The following FERMT3 variants were observed in gnomAD, a reference collection of about 807,000 sequenced individuals.
FERMT3 encodes the protein fermitin family homolog 3.
FERMT3 carries 33 observed loss-of-function variants against 80.8 expected under a neutral mutation model. The ratio of observed to expected loss-of-function variants is 0.41; its 90% CI spans 0.31 to 0.55. The LOEUF is 0.55. Among genes scored for constraint, FERMT3 ranks in the 20% least tolerant of loss-of-function variants. The probability of loss-of-function intolerance (pLI) is 0.31; values close to 1 mark genes in which losing one functional copy is unlikely to be tolerated. For synonymous variants in FERMT3, 375 were observed against 372.2 expected (o/e 1.01, Z -0.09); for missense variants, 754 against 908.7 (o/e 0.83, Z 2.19).
chr11:64,211,884 A>C lies in FERMT3; in HGVS notation c.786+137A>C. ...CGTTTGTCCATCCACACCTTTGTTT[A>C]CTGACCCCACAAACACCCACTGAAA... On this transcript the variant is annotated intron_variant, in intron 6 of 14. Transcript: ENST00000345728. This position sits in a 1 kb window ranked among gnomAD's most constrained non-coding sequence, Gnocchi z 4.7. 1.2e-6 allele frequency: 1 copy of C among 835,226 alleles called. No individual in the cohort carries two copies. The highest frequency in any genetic ancestry group is 2.0e-6 in the Non-Finnish European group (1 of 507,750). The allele number at this position is 835,226 out of a possible 1,614,324, so 51.7% of individuals were successfully genotyped here.
chr11:64,210,596 C>G lies in FERMT3; in HGVS notation c.161-15C>G, dbSNP rs1309855632. ...GGAGGAAGGTTGGACCCAGATGTGCCCCCGTGCCCCACAGATCGCAAGCAG... is the reference window on the plus strand; with the variant it reads ...GGAGGAAGGTTGGACCCAGATGTGCGCCCGTGCCCCACAGATCGCAAGCAG... On this transcript the variant is annotated splice_polypyrimidine_tract_variant and intron_variant, in intron 2 of 14. Coordinates refer to ENST00000345728, the MANE Select transcript of FERMT3 (RefSeq NM_031471.6). The surrounding 1 kb of genome is among the most constrained non-coding windows in gnomAD (Gnocchi z 4.3). 6.2e-7 allele frequency: 1 copy of G among 1,611,028 alleles called. No individual in the cohort carries two copies. Among genetic ancestry groups the G allele is most frequent in the African/African-American group, 1.3e-5 (1 of 74,820 alleles).
At position 64,211,726 on chromosome 11, in the gene FERMT3, C is replaced by T; in HGVS notation, c.765C>T (p.Ser255=). 4 of 1,614,178 alleles carry T rather than the reference C, an allele frequency of 2.5e-6. No individual in the cohort carries two copies. The highest frequency in any genetic ancestry group is 3.4e-6 in the Non-Finnish European group (4 of 1,180,024). The change falls in exon 6 of 15, where the codon AGC becomes AGT. Residue 255 remains serine (S), a synonymous_variant. Coordinates refer to ENST00000345728, the MANE Select transcript of FERMT3 (RefSeq NM_031471.6). The surrounding 1 kb of genome is among the most constrained non-coding windows in gnomAD (Gnocchi z 4.7). ...TCTGGCTGCGCTTCAAGTACTACAG[C>T]TTCTTCGATTTGGATCCCAAGGTGG... ...DALWLRFKYY[S]FFDLDPKTDP...
Position 64,219,669 on chromosome 11 carries a change from G to C in FERMT3, c.1029+11G>C, listed in dbSNP as rs750237874. The C allele has an allele frequency of 2.5e-6, 4 of 1,613,768 alleles. No individual in the cohort carries two copies. Among genetic ancestry groups the C allele is most frequent in the African/African-American group, 2.7e-5 (2 of 75,022 alleles). ...CCCACAGATGTGCTGGTGAGGAGGGGCTCAGGGCAGGGGCTGGGCAGGGAG... is the reference window on the plus strand; with the variant it reads ...CCCACAGATGTGCTGGTGAGGAGGGCCTCAGGGCAGGGGCTGGGCAGGGAG... On this transcript the variant is annotated intron_variant, in intron 8 of 14. Coordinates refer to ENST00000345728, the MANE Select transcript of FERMT3 (RefSeq NM_031471.6). This position sits in a 1 kb window ranked among gnomAD's most constrained non-coding sequence, Gnocchi z 4.0.
Position 64,210,242 on chromosome 11 carries a change from A to G in FERMT3, c.161-369A>G, listed in dbSNP as rs930866098. 1.3e-5 allele frequency among the ~76,000 whole-genome samples: 2 copies of G among 152,332 alleles called. No homozygotes were observed. The highest frequency in any genetic ancestry group is 4.8e-5 in the African/African-American group (2 of 41,582). On this transcript the variant is annotated intron_variant, in intron 2 of 14. Transcript: ENST00000345728. This position sits in a 1 kb window ranked among gnomAD's most constrained non-coding sequence, Gnocchi z 4.3. ...TAGTCTCTGCCTCCAGGAGCTCCCC[A>G]GAATGCAAGACAGAGGCTGTTAAAC...
At chr11:64,207,859 CA>C in intron 2 of FERMT3, 1 of 222,512 alleles carries the variant, frequency 4.5e-6, no homozygotes, top group Non-Finnish European at 9.0e-6. Flanking sequence ...CTAGGTGACC[CA>C]GGGGCCTGCC....
chr11:64,214,545 C>A (rs540817475), intron 6 of FERMT3, among the ~76,000 whole-genome samples: 1 of 151,976 alleles, frequency 6.6e-6, no homozygotes, highest in African/African-American at 2.4e-5. Context: ...TGGGGTTTCA[C>A]CATGTTGGTC....
intron 6 of FERMT3, among the ~76,000 whole-genome samples, chr11:64,217,590 C>A (rs1446560887): frequency 6.6e-6 from 1 of 152,184 alleles, no homozygotes; most frequent in Non-Finnish European, 1.5e-5. Flanking sequence ...GTGCAACCCC[C>A]ACCCCGTCCA....
chr11:64,215,948 C>T (rs936756204), intron 6 of FERMT3, among the ~76,000 whole-genome samples: 6 of 151,794 alleles, frequency 4.0e-5, no homozygotes, highest in African/African-American at 1.5e-4. Flanking sequence ...TCCCCTGCCT[C>T]AGCCTCCTGA....
rs1402214027 is a variant in FERMT3 at position 64,219,434 on chromosome 11, G to A, written c.894+76G>A. ...CAGGGCAGGAAGGGCCTTCCTGAGT[G>A]GGGGCTACCTCCAGGGAAGCCCGGC... On this transcript the variant is annotated intron_variant, in intron 7 of 14. Transcript: ENST00000345728. The surrounding 1 kb of genome is among the most constrained non-coding windows in gnomAD (Gnocchi z 4.0). 10 of 1,558,786 alleles carry A rather than the reference G, an allele frequency of 6.4e-6. No individual in the cohort carries two copies. Among genetic ancestry groups the A allele is most frequent in the African/African-American group, 2.7e-5 (2 of 73,326 alleles).
Position 64,219,939 on chromosome 11 carries a change from C to T in FERMT3, c.1128C>T (p.Phe376=), listed in dbSNP as rs756718345. 7 of 1,613,858 alleles carry T rather than the reference C, an allele frequency of 4.3e-6. No homozygotes were observed. In the Admixed American group the frequency reaches 8.3e-5, roughly 19 times the overall value. Residue 376 remains phenylalanine, a synonymous_variant, in exon 10 of 15, where the codon TTC becomes TTT. Coordinates refer to ENST00000345728, the MANE Select transcript of FERMT3 (RefSeq NM_031471.6). The surrounding 1 kb of genome is among the most constrained non-coding windows in gnomAD (Gnocchi z 4.0). ...GCTACCGCCAACACTGGGTGGTGTTCAAGGAGACCACACTGTCCTACTACA... is the reference window on the plus strand; with the variant it reads ...GCTACCGCCAACACTGGGTGGTGTTTAAGGAGACCACACTGTCCTACTACA... ...LKGYRQHWVV[F]KETTLSYYKS... is the part of the protein sequence containing the mutation.
rs772852769 is a variant in FERMT3 at position 64,219,737 on chromosome 11, T to C, written c.1030-3T>C. On this transcript the variant is annotated splice_region_variant and splice_polypyrimidine_tract_variant and intron_variant, in intron 8 of 14. Transcript: ENST00000345728. This position sits in a 1 kb window ranked among gnomAD's most constrained non-coding sequence, Gnocchi z 4.0. ...TGCCCCTCTGACTCTGGTCCTCCCA[T>C]AGGACAGCCTCACCACCATCCCAGA... 3.5e-5 allele frequency: 57 copies of C among 1,613,528 alleles called. No individual in the cohort carries two copies. Among genetic ancestry groups the C allele is most frequent in the Non-Finnish European group, 4.5e-5 (53 of 1,179,904 alleles).
rs776644484 is a variant in FERMT3 at position 64,207,482 on chromosome 11, T to C, written c.118T>C (p.Ser40Pro). ...GGTCACCCTGCGGGTCACTGGGGAG[T>C]CGCACATCGGCGGGGTGCTCCTGAA... Reference protein sequence around the residue: ...ESVTLRVTGESHIGGVLLKIV... With the variant: ...ESVTLRVTGEPHIGGVLLKIV... The change falls in exon 2 of 15, where the codon TCG becomes CCG. Residue 40 changes from serine (S) to proline (P), a missense_variant. Transcript: ENST00000345728. 6.2e-7 allele frequency: 1 copy of C among 1,611,214 alleles called. No homozygotes were observed. Among genetic ancestry groups the C allele is most frequent in the Non-Finnish European group, 8.5e-7 (1 of 1,179,204 alleles).
upstream of FERMT3, among the ~76,000 whole-genome samples, chr11:64,205,952 G>A (rs570683427): frequency 6.6e-6 from 1 of 152,346 alleles, no homozygotes; most frequent in Non-Finnish European, 1.5e-5. Context: ...GGTGGCGGAC[G>A]TGCCTTGCTC....
Position 64,211,515 on chromosome 11 carries a change from G to T in FERMT3, c.683+72G>T. On this transcript the variant is annotated intron_variant, in intron 5 of 14. Transcript: ENST00000345728. This position sits in a 1 kb window ranked among gnomAD's most constrained non-coding sequence, Gnocchi z 4.7. ...GATCCACCCCCTGTCCCGTGTCTGT[G>T]CCCACCCCAGATCCACACTTCGTTT... 6.6e-7 allele frequency: 1 copy of T among 1,509,342 alleles called. No individual in the cohort carries two copies. Among genetic ancestry groups the T allele is most frequent in the Non-Finnish European group, 8.9e-7 (1 of 1,125,108 alleles). The allele number at this position is 1,509,342 out of a possible 1,614,324, so 93.5% of individuals were successfully genotyped here.
chr11:64,210,608 C>T lies in FERMT3; in HGVS notation c.161-3C>T. ...GACCCAGATGTGCCCCCGTGCCCCA[C>T]AGATCGCAAGCAGGACTGGTCAGAC... is the stretch of plus-strand genomic sequence containing the variant. On this transcript the variant is annotated splice_region_variant and splice_polypyrimidine_tract_variant and intron_variant, in intron 2 of 14. Coordinates refer to ENST00000345728, the MANE Select transcript of FERMT3 (RefSeq NM_031471.6). This position sits in a 1 kb window ranked among gnomAD's most constrained non-coding sequence, Gnocchi z 4.3. 8.1e-6 allele frequency: 13 copies of T among 1,613,570 alleles called. No homozygotes were observed. Among genetic ancestry groups the T allele is most frequent in the African/African-American group, 1.3e-5 (1 of 74,992 alleles).
At position 64,210,702 on chromosome 11, in the gene FERMT3, G is replaced by T. The variant is rs755067094; in HGVS notation, c.252G>T (p.Gly84=). The change falls in exon 3 of 15, where the codon GGG becomes GGT. Residue 84 remains glycine (G), a synonymous_variant. Coordinates refer to ENST00000345728, the MANE Select transcript of FERMT3 (RefSeq NM_031471.6). This position sits in a 1 kb window ranked among gnomAD's most constrained non-coding sequence, Gnocchi z 4.3. Reference sequence around the variant, plus strand: ...CCCACTGGACACTGGACAAGTACGGGATCCTGGCCGACGCACGCCTCTTCT... The same window carrying T: ...CCCACTGGACACTGGACAAGTACGGTATCCTGGCCGACGCACGCCTCTTCT... ...LQTHWTLDKY[G]ILADARLFFG... is the part of the protein sequence containing the mutation. The T allele has an allele frequency of 3.7e-6, 6 of 1,614,168 alleles. No homozygotes were observed. The highest frequency in any genetic ancestry group is 2.2e-5 in the East Asian group (1 of 44,882).
At chr11:64,221,707 T>A (rs545739380) in intron 13 of FERMT3, among the ~76,000 whole-genome samples, 1 of 149,604 alleles carries the variant, frequency 6.7e-6, no homozygotes, top group Non-Finnish European at 1.5e-5. Context: ...GGCGGGCAGA[T>A]CACGAGGTCA....
Position 64,211,481 on chromosome 11 carries a change from C to A in FERMT3, c.683+38C>A. 1 of 1,549,052 alleles carries A rather than the reference C, an allele frequency of 6.5e-7. No individual in the cohort carries two copies. Reference sequence around the variant, plus strand: ...GCCACGCCCCCTGTGTCAGGGCTCCCCCACCCAGGATCCACCCCCTGTCCC... The same window carrying A: ...GCCACGCCCCCTGTGTCAGGGCTCCACCACCCAGGATCCACCCCCTGTCCC... On this transcript the variant is annotated intron_variant, in intron 5 of 14. Coordinates refer to ENST00000345728, the MANE Select transcript of FERMT3 (RefSeq NM_031471.6). This position sits in a 1 kb window ranked among gnomAD's most constrained non-coding sequence, Gnocchi z 4.7.
At position 64,211,270 on chromosome 11, in the gene FERMT3, T is replaced by A. The variant is rs371192713; in HGVS notation, c.515-5T>A. 615 of 1,612,938 alleles carry A rather than the reference T, an allele frequency of 3.8e-4. No individual in the cohort carries two copies. The highest frequency in any genetic ancestry group is 4.4e-4 in the Non-Finnish European group (520 of 1,179,842). On this transcript the variant is annotated splice_region_variant and splice_polypyrimidine_tract_variant and intron_variant, in intron 4 of 14. Coordinates refer to ENST00000345728, the MANE Select transcript of FERMT3 (RefSeq NM_031471.6). The surrounding 1 kb of genome is among the most constrained non-coding windows in gnomAD (Gnocchi z 4.7). ...GGCCTGGTTGACTCCCAACCTGCAC[T>A]CCAGGCGTGGCACCTGCACTGTTCC...
Sources: gnomAD v4.1 joint callset for allele counts (sites outside exome capture counted in the v4.1 genomes callset) on GRCh38, gnomAD v4.1.1 for gene constraint, Gnocchi (gnomAD v3.1) non-coding constraint, MANE v1.5 for transcripts, NCBI Gene and HGNC (gene_info 2026-07-23, HGNC 2026-07-21) for gene names.